Variants in TNNT1 observed in about 807,000 individuals in gnomAD.
TNNT1 encodes troponin T, slow skeletal muscle.
Under a neutral mutation model 50.6 loss-of-function variants are expected in TNNT1, and 53 were observed. The ratio of observed to expected loss-of-function variants is 1.05; its 90% CI spans 0.84 to 1.32. The LOEUF is 1.32. TNNT1 is among the 40% of genes most tolerant of loss of function. The pLI is 0.00. For missense variants in TNNT1, 348 were observed against 381.7 expected (o/e 0.91, Z 0.74); for synonymous variants, 142 against 138.0 (o/e 1.03, Z -0.20).
At chr19:55,144,300 C>T (rs1161219022) in intron 6 of TNNT1, among the ~76,000 whole-genome samples, 1 of 152,020 alleles carries the variant, frequency 6.6e-6, no homozygotes, top group Admixed American at 6.6e-5. Context: ...AAACTCCTGA[C>T]CTTAGGTAAT....
chr19:55,146,969 G>T (rs770928134), intron 3 of TNNT1, 39 bp downstream of exon 3: 12 of 1,577,280 alleles, frequency 7.6e-6, no homozygotes, highest in Non-Finnish European at 8.6e-7. Context: ...GCTCCTGGGC[G>T]TGTCCCCATC....
At chr19:55,146,564 C>T (rs1568848833) in intron 4 of TNNT1, 98 bp from the exon 5 acceptor site, 2 of 1,161,630 alleles carry the variant, frequency 1.7e-6, no homozygotes, top group Non-Finnish European at 1.2e-6. Flanking sequence ...ACGTGAGAGG[C>T]TGTTAGAGGA....
At position 55,141,178 on chromosome 19, in the gene TNNT1, C is replaced by T. The variant is rs374839229; in HGVS notation, c.309+8G>A. 6 of 1,612,044 alleles carry T rather than the reference C, an allele frequency of 3.7e-6. No individual in the cohort carries two copies. Among genetic ancestry groups the T allele is most frequent in the East Asian group, 2.2e-5 (1 of 44,884 alleles). The stretch of plus-strand genomic sequence containing the variant: ...GAAGACCGGGGGGAACCCGGACTCT[C>T]GGCTCACAATGCGCTCCTTCAAGGC... On this transcript the variant is annotated splice_region_variant and intron_variant, in intron 8 of 13. Coordinates refer to ENST00000588981, the MANE Select transcript of TNNT1 (RefSeq NM_003283.6).
intron 9 of TNNT1, among the ~76,000 whole-genome samples, chr19:55,138,861 T>C (rs936767617): frequency 2.4e-4 from 36 of 152,168 alleles, no homozygotes; most frequent in Non-Finnish European, 7.3e-5. Context: ...TTCTGGAATA[T>C]TGAGCGAAGG....
At chr19:55,148,594 C>G (rs1599901035) in intron 1 of TNNT1, among the ~76,000 whole-genome samples, 1 of 152,034 alleles carries the variant, frequency 6.6e-6, no homozygotes, top group African/African-American at 2.4e-5. Context: ...TAAGACCACC[C>G]CCAGGTCTTG....
At chr19:55,143,995 C>T (rs987008204) in intron 6 of TNNT1, among the ~76,000 whole-genome samples, 1 of 152,088 alleles carries the variant, frequency 6.6e-6, no homozygotes, top group African/African-American at 2.4e-5. Context: ...CTTCCCTCCC[C>T]TTGCCCAACA....
intron 9 of TNNT1, among the ~76,000 whole-genome samples, chr19:55,139,671 C>T (rs1356443996): frequency 6.6e-6 from 1 of 152,074 alleles, no homozygotes; most frequent in Non-Finnish European, 1.5e-5. Flanking sequence ...ATCACATCTG[C>T]AAAATCCCCT....
chr19:55,145,636 C>G, intron 5 of TNNT1, 71 bp from the exon 6 acceptor site: 1 of 1,572,558 alleles, frequency 6.4e-7, no homozygotes, highest in Non-Finnish European at 8.7e-7. Flanking sequence ...CCTGACACAC[C>G]CTGGGGAGGG....
intron 10 of TNNT1, among the ~76,000 whole-genome samples, chr19:55,137,616 A>G (rs1297646123): frequency 8.7e-6 from 1 of 115,408 alleles, no homozygotes; most frequent in South Asian, 3.1e-4. Context: ...CCAGGAGTCC[A>G]GGCCCCCAGC....
intron 6 of TNNT1, among the ~76,000 whole-genome samples, chr19:55,142,552 T>G (rs1043132603): frequency 6.7e-6 from 1 of 150,374 alleles, no homozygotes. Context: ...AAGAATTTTT[T>G]TTTTTTTTTT....
At position 55,138,001 on chromosome 19, in the gene TNNT1, A is replaced by C. The variant is rs780820676; in HGVS notation, c.461T>G (p.Leu154Arg). 12 of 1,614,166 alleles carry C rather than the reference A, an allele frequency of 7.4e-6. No homozygotes were observed. Among genetic ancestry groups the C allele is most frequent in the Non-Finnish European group, 1.0e-5 (12 of 1,180,014 alleles). ...AEDDAKKKKVLSNMGAHFGGY... is the reference protein window; with the variant it reads ...AEDDAKKKKVRSNMGAHFGGY... The stretch of plus-strand genomic sequence containing the variant: ...GCCAAAATGGGCCCCCATGTTGGAC[A>C]GCACCTTCTTTTTCTTGGCATCATC... Residue 154 changes from leucine to arginine, a missense_variant, in exon 10 of 14, where the codon CTG becomes CGG. Leu to Arg is a moderately radical substitution (Grantham distance 102). Transcript: ENST00000588981.
chr19:55,133,641 G>A (rs2085287370), intron 13 of TNNT1: 2 of 572,238 alleles, frequency 3.5e-6, no homozygotes, highest in East Asian at 5.9e-5. Flanking sequence ...TCACTCCACT[G>A]CACTCCAGCC....
Position 55,138,083 on chromosome 19 carries a change from A to G in TNNT1, c.388-9T>C, listed in dbSNP as rs537892791. ...TTCCTCATCTTCTCCTCCTGTGGGA[A>G]GTAAGGGGTTAACCTCATGGACTCC... On this transcript the variant is annotated splice_polypyrimidine_tract_variant and intron_variant, in intron 9 of 13. Coordinates refer to ENST00000588981, the MANE Select transcript of TNNT1 (RefSeq NM_003283.6). The G allele has an allele frequency of 6.2e-7, 1 of 1,613,968 alleles. No individual in the cohort carries two copies. The highest frequency in any genetic ancestry group is 1.3e-5 in the African/African-American group (1 of 75,018).
rs771532842 is a variant in TNNT1 at position 55,137,083 on chromosome 19, G to A, written c.611+20C>T. The A allele has an allele frequency of 9.0e-5, 43 of 478,154 alleles. 1 individual carries two copies. The East Asian group carries it at 1.6e-3, about 18-fold the overall frequency. 29.6% of individuals were successfully genotyped at this position (478,154 alleles called of 1,614,324 possible). A position where few individuals can be genotyped will look rare whatever the true frequency, so the allele number is the denominator to read the frequency against. On this transcript the variant is annotated intron_variant, in intron 11 of 13. Transcript: ENST00000588981. ...TCTCACACCCAGGCCCCTACACCCC[G>A]AGCCCCCCACAGCACCTACCGGAGC...
At chr19:55,144,818 A>C (rs765556719) in intron 6 of TNNT1, among the ~76,000 whole-genome samples, 6 of 152,202 alleles carry the variant, frequency 3.9e-5, no homozygotes, top group Non-Finnish European at 8.8e-5. Context: ...CTGCGTCTTA[A>C]GAGTAGTGGG....
In TNNT1 at chr19:55,146,508, G is replaced by C. The variant is rs1023743983; in HGVS notation, c.74-42C>G. Reference sequence around the variant, plus strand: ...GGAGCAGCGAGGGTTTGGGGAGCGAGGGGGGAGCGGCCACGCCCGGGCGCG... The same window carrying C: ...GGAGCAGCGAGGGTTTGGGGAGCGACGGGGGAGCGGCCACGCCCGGGCGCG... On this transcript the variant is annotated intron_variant, in intron 4 of 13. Coordinates refer to ENST00000588981, the MANE Select transcript of TNNT1 (RefSeq NM_003283.6). The C allele has an allele frequency of 1.3e-5, 16 of 1,238,136 alleles. No homozygotes were observed. In the African/African-American group the frequency reaches 1.7e-4, roughly 13 times the overall value. The allele number at this position is 1,238,136 out of a possible 1,614,324, so 76.7% of individuals were successfully genotyped here.
intron 8 of TNNT1, 56 bp downstream of exon 8, chr19:55,141,130 G>T: frequency 2.0e-6 from 3 of 1,528,760 alleles, no homozygotes; most frequent in Non-Finnish European, 2.7e-6. Flanking sequence ...CTCCCAAGAT[G>T]CAAGGGATCC....
intron 6 of TNNT1, 119 bp downstream of exon 6, chr19:55,145,424 TG>T: frequency 7.1e-6 from 6 of 850,544 alleles, no homozygotes; most frequent in Non-Finnish European, 1.2e-5. Context: ...GGAGGAGAAA[TG>T]TCGACTGCTG....
At chr19:55,145,136 G>GAA (rs71181741) in intron 6 of TNNT1, among the ~76,000 whole-genome samples, 14 of 130,382 alleles carry the variant, frequency 1.1e-4, no homozygotes, top group Admixed American at 3.0e-4. Flanking sequence ...TCTACAAAAA[G>GAA]AAAAAAAAAA....
Sources: allele counts gnomAD v4.1 joint callset (sites outside exome capture counted in the v4.1 genomes callset), GRCh38; gene constraint gnomAD v4.1.1; transcripts MANE v1.5; gene names NCBI Gene and HGNC (gene_info 2026-07-23, HGNC 2026-07-21).